The following MYH13 variants were observed in gnomAD, a reference collection of about 807,000 sequenced individuals.
The protein encoded by MYH13 is myosin heavy chain 13, also known as myosin-13.
In MYH13, 177 loss-of-function variants were observed where a neutral mutation model predicts 232.1. The ratio of observed to expected loss-of-function variants is 0.76; its 90% CI spans 0.67 to 0.86. MYH13 has a LOEUF of 0.86. Ranked by LOEUF, MYH13 falls within the 40% of genes least tolerant of loss-of-function variation. The pLI is 0.00. For synonymous variants in MYH13, 884 were observed against 923.5 expected, an observed-to-expected ratio of 0.96 and a Z score of 0.78; for missense variants, 2,246 against 2,405.9, an observed-to-expected ratio of 0.93 and a Z score of 1.39.
At position 10,312,146 on chromosome 17, in the gene MYH13, G is replaced by C. The variant is rs1282635657; in HGVS notation, c.4366-70C>G. The C allele has an allele frequency of 7.7e-6, 12 of 1,554,814 alleles. 1 individual carries two copies. In the South Asian group the frequency reaches 1.3e-4, roughly 17 times the overall value. ...GACTCAGAAGAGTTCATGCAAACAA[G>C]GGCTGTCAGTAACACCAACGTTTTG... On this transcript the variant is annotated intron_variant, in intron 31 of 40. Transcript: ENST00000252172.
In MYH13 at chr17:10,318,898, C is replaced by T. The variant is rs202062172; in HGVS notation, c.3630G>A (p.Gln1210=). 1.2e-6 allele frequency: 2 copies of T among 1,614,190 alleles called. No individual in the cohort carries two copies. The highest frequency in any genetic ancestry group is 1.7e-5 in the Admixed American group (1 of 60,018). The change falls in exon 27 of 41, where the codon CAG becomes CAA. Residue 1210 remains glutamine, a synonymous_variant. Transcript: ENST00000252172. ...QADSVAELGE[Q]IDNLQRVKQK... ...GCTTCACCCGCTGCAGGTTGTCAAT[C>T]TGCTCCCCAAGCTCGGCCACACTAT...
At position 10,309,795 on chromosome 17, in the gene MYH13, G is replaced by T; in HGVS notation, c.4692C>A (p.Arg1564=). 1.3e-6 allele frequency: 2 copies of T among 1,595,318 alleles called. No homozygotes were observed. Among genetic ancestry groups the T allele is most frequent in the Admixed American group, 1.7e-5 (1 of 57,352 alleles). Residue 1564 remains arginine (R), a synonymous_variant, in exon 34 of 41, where the codon CGC becomes CGA. Transcript: ENST00000252172. ...TCACCTGGCTCAGCTCTAGCTGCAC[G>T]CGCAAGATCTTGCTCTCCTCGTGTT... The part of the protein sequence containing the change: ...SLEHEESKIL[R]VQLELSQVKS...
rs144628668 is a variant in MYH13, at chr17:10,305,388, C to T, written c.5466+1071G>A. Among the ~76,000 whole-genome samples, 595 of 152,328 alleles carry T rather than the reference C, an allele frequency of 3.9e-3. 7 individuals are homozygous for T. The highest frequency in any genetic ancestry group is 0.013 in the African/African-American group (544 of 41,566). On this transcript the variant is annotated intron_variant, in intron 37 of 40. Transcript: ENST00000252172. ...ACATTAAAGAATTTTGGGGGAAGTT[C>T]TAACTTCCCTGGTGTTTACTTTTGT...
In MYH13 at chr17:10,301,628, C is replaced by A. The variant is rs374501016; in HGVS notation, c.5743G>T (p.Asp1915Tyr). The A allele has an allele frequency of 6.2e-7, 1 of 1,614,088 alleles. No individual in the cohort carries two copies. Among genetic ancestry groups the A allele is most frequent in the Non-Finnish European group, 8.5e-7 (1 of 1,180,050 alleles). ...TTGTTGACCTGGGACTCAGCGATGT[C>A]CGCCCTCTCCGCGGCCTCCTCTAGC... is the stretch of plus-strand genomic sequence containing the variant. ...HELEEAAERA[D>Y]IAESQVNKLR... is the part of the protein sequence containing the mutation. Residue 1915 changes from aspartate to tyrosine, a missense_variant, in exon 40 of 41, where the codon GAC (aspartate) becomes TAC (tyrosine). Asp to Tyr is a radical substitution (Grantham distance 160). Coordinates refer to ENST00000252172, the MANE Select transcript of MYH13 (RefSeq NM_003802.3).
chr17:10,332,305 T>A, intron 19 of MYH13, 83 bp from the exon 20 acceptor site: 6 of 1,548,786 alleles, frequency 3.9e-6, no homozygotes. Context: ...AATCTTCTCC[T>A]GCTCAAGCCT....
chr17:10,362,080 G>A, intron 5 of MYH13, 38 bp downstream of exon 5: 1 of 1,613,002 alleles, frequency 6.2e-7, no homozygotes, highest in Non-Finnish European at 8.5e-7. Flanking sequence ...ATTAACTAAG[G>A]ATGGCTTCAA....
At chr17:10,347,861 G>T (rs1454839541) in intron 12 of MYH13, among the ~76,000 whole-genome samples, 1 of 151,896 alleles carries the variant, frequency 6.6e-6, no homozygotes, top group Non-Finnish European at 1.5e-5. Context: ...GGGATTACAG[G>T]CACCCACCAC....
At chr17:10,327,161 C>A (rs1181477479) in intron 22 of MYH13, among the ~76,000 whole-genome samples, 4 of 131,192 alleles carry the variant, frequency 3.0e-5, no homozygotes, top group African/African-American at 8.5e-5. Flanking sequence ...GCCACTACGC[C>A]CGGCTAATTT....
In MYH13 at chr17:10,346,734, A is replaced by G. The variant is rs1162678815; in HGVS notation, c.1209T>C (p.Cys403=). ...ATTCATTGCCAACCTTCACCCTTGG[A>G]CAGCACAGGCCCTTCAGCATTTCTG... ...NSAEMLKGLC[C]PRVKVGNEYV... is the part of the protein sequence containing the mutation. Residue 403 remains cysteine, a synonymous_variant, in exon 13 of 41, where the codon TGT becomes TGC. Transcript: ENST00000252172. The G allele has an allele frequency of 3.1e-6, 5 of 1,613,988 alleles. No homozygotes were observed. Among genetic ancestry groups the G allele is most frequent in the South Asian group, 2.2e-5 (2 of 91,076 alleles).
Position 10,346,667 on chromosome 17 carries a change from G to A in MYH13, c.1263+13C>T, listed in dbSNP as rs557286446. 11 of 1,582,998 alleles carry A rather than the reference G, an allele frequency of 6.9e-6. No homozygotes were observed. In the African/African-American group the frequency reaches 1.3e-4, roughly 19 times the overall value. On this transcript the variant is annotated intron_variant, in intron 13 of 40. Coordinates refer to ENST00000252172, the MANE Select transcript of MYH13 (RefSeq NM_003802.3). ...AAGATCTCAATCAACTGGATTCAGA[G>A]CATCTCCATTACCTGCTGGACATTT...
In MYH13 at chr17:10,320,490, C is replaced by T. The variant is rs373076445; in HGVS notation, c.3118G>A (p.Gly1040Ser). 6.2e-7 allele frequency: 1 copy of T among 1,612,414 alleles called. No individual in the cohort carries two copies. Among genetic ancestry groups the T allele is most frequent in the South Asian group, 1.1e-5 (1 of 90,490 alleles). ...AGTTTCTTCTCCTGCTCTAAGGAACCCTCAAGCTGAGAAGACACACAGGTA... is the reference window on the plus strand; with the variant it reads ...AGTTTCTTCTCCTGCTCTAAGGAACTCTCAAGCTGAGAAGACACACAGGTA... ...KLEQQTDDLE[G>S]SLEQEKKLRA... Residue 1040 changes from glycine (G) to serine (S), a missense_variant, in exon 25 of 41, where the codon GGT (glycine) becomes AGT (serine). Physicochemically the swap from Gly to Ser is moderately conservative, Grantham distance 56 (BLOSUM62 0). Transcript: ENST00000252172.
intron 11 of MYH13, among the ~76,000 whole-genome samples, chr17:10,353,931 A>G (rs12449304): frequency 2.1e-5 from 3 of 146,058 alleles, no homozygotes; most frequent in Admixed American, 6.9e-5. Context: ...AAGGAAGGAA[A>G]GAAGGAAGGA....
intron 11 of MYH13, among the ~76,000 whole-genome samples, chr17:10,353,180 C>A (rs760525431): frequency 9.9e-5 from 15 of 152,200 alleles, no homozygotes; most frequent in Non-Finnish European, 1.9e-4. Context: ...ATACTGCCTG[C>A]CATGTTGCTG....
chr17:10,311,834 T>C, intron 32 of MYH13, 77 bp downstream of exon 32: 1 of 1,539,108 alleles, frequency 6.5e-7, no homozygotes, highest in Non-Finnish European at 8.9e-7. Context: ...TGTCTGGAGA[T>C]GGCTGTGGCC....
intron 24 of MYH13, 53 bp downstream of exon 24, chr17:10,321,479 T>G: frequency 1.3e-6 from 2 of 1,539,722 alleles, no homozygotes; most frequent in African/African-American, 2.7e-5. Context: ...CTGTCTCTTG[T>G]CTGTGCTTCC....
chr17:10,364,540 G>T lies in MYH13; in HGVS notation c.-10C>A. Reference sequence around the variant, plus strand: ...CTGCGTCAGAGCTCATGACTGCAGAGGGCTGGGAAGACCAGAGGGACTGCT... The same window carrying T: ...CTGCGTCAGAGCTCATGACTGCAGATGGCTGGGAAGACCAGAGGGACTGCT... On this transcript the variant is annotated splice_region_variant and 5_prime_UTR_variant, in exon 3 of 41. Transcript: ENST00000252172. 1 of 1,576,888 alleles carries T rather than the reference G, an allele frequency of 6.3e-7. No homozygotes were observed. Among genetic ancestry groups the T allele is most frequent in the South Asian group, 1.2e-5 (1 of 86,528 alleles).
chr17:10,330,784 G>A (rs1443033094), intron 20 of MYH13, among the ~76,000 whole-genome samples: 2 of 151,986 alleles, frequency 1.3e-5, no homozygotes, highest in Non-Finnish European at 2.9e-5. Flanking sequence ...TTGGGAGGCC[G>A]AGGCAGGTGA....
intron 11 of MYH13, among the ~76,000 whole-genome samples, chr17:10,352,200 G>A (rs2071715482): frequency 6.6e-6 from 1 of 152,060 alleles, no homozygotes; most frequent in Admixed American, 6.6e-5. Flanking sequence ...GGGTGCAGGT[G>A]GAACCTGGGT....
At chr17:10,314,692 C>T (rs189948601) in intron 29 of MYH13, among the ~76,000 whole-genome samples, 2 of 152,292 alleles carry the variant, frequency 1.3e-5, no homozygotes, top group East Asian at 1.9e-4. Flanking sequence ...TCTTAGCCAG[C>T]GTACAGCAAC....
Sources: gnomAD v4.1 joint callset for allele counts (sites outside exome capture counted in the v4.1 genomes callset) on GRCh38, gnomAD v4.1.1 for gene constraint, MANE v1.5 for transcripts, NCBI Gene and HGNC (gene_info 2026-07-23, HGNC 2026-07-21) for gene names.